The following ADAMTS4 variants were observed in gnomAD, a reference collection of about 807,000 sequenced individuals.
ADAMTS4 encodes A disintegrin and metalloproteinase with thrombospondin motifs 4.
A neutral mutation model predicts 66.7 loss-of-function variants in ADAMTS4; 38 were observed. The observed-to-expected ratio is 0.57, with a 90% CI of 0.44 to 0.75. The LOEUF is 0.75. ADAMTS4 is among the 30% of genes least tolerant of loss of function. The pLI, the probability that ADAMTS4 is intolerant of heterozygous loss-of-function variation, is 0.00. For missense variants in ADAMTS4, 1,014 were observed against 1,116.7 expected (o/e 0.91, Z 1.31); for synonymous variants, 418 against 461.5 (o/e 0.91, Z 1.21).
rs1473585941 is a variant in ADAMTS4 at position 161,194,890 on chromosome 1, C to T, written c.1261+575G>A. ...CACACATCTACACCTGCTTAAAGAA[C>T]AGAATAAGAGGCCAGGCATGGTGGC... is the stretch of plus-strand genomic sequence containing the variant. On this transcript the variant is annotated intron_variant, in intron 4 of 8. Coordinates refer to ENST00000367996, the MANE Select transcript of ADAMTS4 (RefSeq NM_005099.6). This position sits in a 1 kb window ranked among gnomAD's most constrained non-coding sequence, Gnocchi z 4.1. Among the ~76,000 whole-genome samples, 1 of 152,140 alleles carries T rather than the reference C, an allele frequency of 6.6e-6. No homozygotes were observed. Among genetic ancestry groups the T allele is most frequent in the Non-Finnish European group, 1.5e-5 (1 of 68,030 alleles).
At position 161,193,190 on chromosome 1, in the gene ADAMTS4, C is replaced by T. The variant is rs1481733051; in HGVS notation, c.1911+23G>A. The T allele has an allele frequency of 2.5e-6, 4 of 1,603,376 alleles. No individual in the cohort carries two copies. The highest frequency in any genetic ancestry group is 2.6e-6 in the Non-Finnish European group (3 of 1,173,996). On this transcript the variant is annotated intron_variant, in intron 7 of 8. Coordinates refer to ENST00000367996, the MANE Select transcript of ADAMTS4 (RefSeq NM_005099.6). The surrounding 1 kb of genome is among the most constrained non-coding windows in gnomAD (Gnocchi z 4.4). ...CGGGTGTGTGTGACCATAGACAGGG[C>T]CTGGGGGTGTCCTGACCCTCACCCG...
At chr1:161,197,280 GGAAC>G in intron 1 of ADAMTS4, 1 of 179,508 alleles carries the variant, frequency 5.6e-6, no homozygotes, top group South Asian at 1.4e-4. Context: ...TGTGGTTGGA[GGAAC>G]GATTCAGTCA....
At position 161,196,279 on chromosome 1, in the gene ADAMTS4, C is replaced by T. The variant is rs748391228; in HGVS notation, c.982G>A (p.Asp328Asn). 6.8e-6 allele frequency: 11 copies of T among 1,613,016 alleles called. No homozygotes were observed. Among genetic ancestry groups the T allele is most frequent in the Non-Finnish European group, 8.5e-6 (10 of 1,179,494 alleles). Residue 328 changes from aspartate to asparagine, a missense_variant, in exon 3 of 9, where the codon GAC (aspartate) becomes AAC (asparagine). Asp to Asn is a conservative substitution (Grantham distance 23, BLOSUM62 1). Transcript: ENST00000367996. ...RQDLCGVSTCDTLGMADVGTV... is the reference protein window; with the variant it reads ...RQDLCGVSTCNTLGMADVGTV... ...CCCACATCAGCCATACCCAGCGTGT[C>T]GCAAGTGGAGACTCCACACAGGTCC...
intron 1 of ADAMTS4, chr1:161,197,192 T>C (rs1664879600): frequency 9.1e-6 from 3 of 330,222 alleles, no homozygotes; most frequent in Non-Finnish European, 1.7e-5. Context: ...GGAGGGACTT[T>C]GGGGTTCTCC....
rs1664730581 is a variant in ADAMTS4, at chr1:161,193,432, T to A, written c.1736-44A>T. On this transcript the variant is annotated intron_variant, in intron 6 of 8. Coordinates refer to ENST00000367996, the MANE Select transcript of ADAMTS4 (RefSeq NM_005099.6). The surrounding 1 kb of genome is among the most constrained non-coding windows in gnomAD (Gnocchi z 4.4). ...CAGAGCCCCTCCTTCCTTCCTCACA[T>A]CACCCCACATCCCTCCACCCAACCC... The A allele has an allele frequency of 6.3e-7, 1 of 1,592,260 alleles. No homozygotes were observed. Among genetic ancestry groups the A allele is most frequent in the African/African-American group, 1.3e-5 (1 of 74,548 alleles).
At position 161,193,230 on chromosome 1, in the gene ADAMTS4, A is replaced by T. The variant is rs1392836209; in HGVS notation, c.1894T>A (p.Tyr632Asn). The T allele has an allele frequency of 6.2e-7, 1 of 1,613,476 alleles. No homozygotes were observed. The highest frequency in any genetic ancestry group is 8.5e-7 in the Non-Finnish European group (1 of 1,179,818). ...ACCCTCACCCGTGGCTCCAGCACAT[A>T]GTAGTAGCCCAGTGCCTGGGCCTGG... ...TCQAQALGYY[Y>N]VLEPRVVDGT... Residue 632 changes from tyrosine to asparagine, a missense_variant, in exon 7 of 9, where the codon TAT becomes AAT. Coordinates refer to ENST00000367996, the MANE Select transcript of ADAMTS4 (RefSeq NM_005099.6). This position sits in a 1 kb window ranked among gnomAD's most constrained non-coding sequence, Gnocchi z 4.4.
At position 161,187,022 on chromosome 1, in the gene ADAMTS4, T is replaced by C. The variant is rs1275752076; in HGVS notation, c.*4116A>G. The C allele has an allele frequency of 6.6e-6, 1 of 152,044 alleles. No individual in the cohort carries two copies. Among genetic ancestry groups the C allele is most frequent in the African/African-American group, 2.4e-5 (1 of 41,380 alleles). 9.4% of individuals were successfully genotyped at this position (152,044 alleles called of 1,614,324 possible). A position where few individuals can be genotyped will look rare whatever the true frequency, so the allele number is the denominator to read the frequency against. ...TCTCAAAAAAAAAAGTGTATCTCCA[T>C]GAACATTAAAGGAAAGTGAGAAGGG... On this transcript the variant is annotated 3_prime_UTR_variant, in exon 9 of 9. Coordinates refer to ENST00000367996, the MANE Select transcript of ADAMTS4 (RefSeq NM_005099.6).
chr1:161,194,581 G>A lies in ADAMTS4; in HGVS notation c.1262-360C>T, dbSNP rs1329261633. ...TTTTGGAATTTTTTGTAGTGATAAG[G>A]TCTTGCTATGTTGTCCAGGCTAATC... On this transcript the variant is annotated intron_variant, in intron 4 of 8. Coordinates refer to ENST00000367996, the MANE Select transcript of ADAMTS4 (RefSeq NM_005099.6). The surrounding 1 kb of genome is among the most constrained non-coding windows in gnomAD (Gnocchi z 4.1). 6.6e-6 allele frequency among the ~76,000 whole-genome samples: 1 copy of A among 152,002 alleles called. No individual in the cohort carries two copies. Among genetic ancestry groups the A allele is most frequent in the African/African-American group, 2.4e-5 (1 of 41,394 alleles).
rs34009675 is a variant in ADAMTS4, at chr1:161,195,634, A to G, written c.1092T>C (p.Gly364=). 4,771 of 1,610,188 alleles carry G rather than the reference A, an allele frequency of 3.0e-3. 106 individuals are homozygous for G. In the African/African-American group the frequency reaches 0.047, roughly 16 times the overall value. The change falls in exon 4 of 9, where the codon GGT becomes GGC. Residue 364 remains glycine (G), a splice_region_variant and synonymous_variant. Transcript: ENST00000367996. ...QSAFTAAHEL[G]HVFNMLHDNS... is the part of the protein sequence containing the mutation. Reference sequence around the variant, plus strand: ...TGTCATGGAGCATGTTGAAGACATGACCTGTGGGAGCAAAGGCCCTGATAG... The same window carrying G: ...TGTCATGGAGCATGTTGAAGACATGGCCTGTGGGAGCAAAGGCCCTGATAG...
chr1:161,191,105 CG>C lies in ADAMTS4; in HGVS notation c.*32del, dbSNP rs1161228151. On this transcript the variant is annotated 3_prime_UTR_variant, in exon 9 of 9. Transcript: ENST00000367996. The stretch of plus-strand genomic sequence containing the variant: ...TTTCTCCCAGCTAAGTCCGAGGCCC[CG>C]GTGCCCAGAAAGGGCAGCCGGGATA... The C allele has an allele frequency of 2.6e-6, 4 of 1,514,234 alleles. No homozygotes were observed. The highest frequency in any genetic ancestry group is 2.7e-6 in the Non-Finnish European group (3 of 1,132,030). 93.8% of individuals were successfully genotyped at this position (1,514,234 alleles called of 1,614,324 possible).
chr1:161,196,556 C>CCTG lies in ADAMTS4; in HGVS notation c.955_957dup (p.Gln319dup). The CCTG allele has an allele frequency of 6.2e-7, 1 of 1,613,876 alleles. No individual in the cohort carries two copies. Among genetic ancestry groups the CCTG allele is most frequent in the Non-Finnish European group, 8.5e-7 (1 of 1,179,870 alleles). On this transcript the variant is annotated inframe_insertion and splice_region_variant. Transcript: ENST00000367996. The stretch of plus-strand genomic sequence containing the variant: ...GCCTGCGGTGCTGACTGGGGCCTCA[C>CCTG]CTGACGGGTAAACAGAATGGCTGTG...
At chr1:161,192,617 A>T (rs541018023) in intron 7 of ADAMTS4, among the ~76,000 whole-genome samples, 23 of 152,188 alleles carry the variant, frequency 1.5e-4, no homozygotes, top group African/African-American at 4.3e-4. Flanking sequence ...CCAAGATGGG[A>T]AGTGCAGTCT....
rs746614498 is a variant in ADAMTS4, at chr1:161,195,467, T to C, written c.1259A>G (p.Tyr420Cys). 3.1e-6 allele frequency: 5 copies of C among 1,605,978 alleles called. No individual in the cohort carries two copies. The African/African-American group carries it at 5.4e-5, about 17-fold the overall frequency. Residue 420 changes from tyrosine to cysteine, a missense_variant and splice_region_variant, in exon 4 of 9, where the codon TAT (tyrosine) becomes TGT (cysteine). Transcript: ENST00000367996. The part of the protein sequence containing the change: ...RFITDFLDNG[Y>C]GHCLLDKPEA... ...AAAGGTAAGTGCCATCTGCTTACCA[T>C]AGCCATTGTCCAGGAAGTCAGTGAT...
At chr1:161,195,410 C>A in intron 4 of ADAMTS4, 55 bp downstream of exon 4, 1 of 1,535,064 alleles carries the variant, frequency 6.5e-7, no homozygotes, top group South Asian at 1.2e-5. Context: ...GTGAGAGTGC[C>A]CTGGAGGACA....
At chr1:161,196,479 C>G in intron 2 of ADAMTS4, 78 bp downstream of exon 2, 1 of 1,533,412 alleles carries the variant, frequency 6.5e-7, no homozygotes, top group Non-Finnish European at 8.9e-7. Flanking sequence ...CCAGGAACAT[C>G]ATTTGCATCA....
chr1:161,190,864 C>T lies in ADAMTS4; in HGVS notation c.*274G>A, dbSNP rs531583558. The T allele has an allele frequency of 2.6e-6, 1 of 386,772 alleles. No homozygotes were observed. Among genetic ancestry groups the T allele is most frequent in the East Asian group, 3.9e-5 (1 of 25,802 alleles). The allele number at this position is 386,772 out of a possible 1,614,324, so 24.0% of individuals were successfully genotyped here. ...CAACTGGGGCCCAGGCCCTCCCTGCCTTCCCCCTCCCTCCTGTGACCCGCA... is the reference window on the plus strand; with the variant it reads ...CAACTGGGGCCCAGGCCCTCCCTGCTTTCCCCCTCCCTCCTGTGACCCGCA... On this transcript the variant is annotated 3_prime_UTR_variant, in exon 9 of 9. Coordinates refer to ENST00000367996, the MANE Select transcript of ADAMTS4 (RefSeq NM_005099.6).
At chr1:161,197,039 G>T in intron 1 of ADAMTS4, 159 bp from the exon 2 acceptor site, 1 of 671,220 alleles carries the variant, frequency 1.5e-6, no homozygotes, top group Non-Finnish European at 2.5e-6. Flanking sequence ...TCTTGGTTGG[G>T]CCCTTCCCCC....
Position 161,196,539 on chromosome 1 carries a change from T to C in ADAMTS4, c.957+18A>G, listed in dbSNP as rs775182648. 6.2e-7 allele frequency: 1 copy of C among 1,612,662 alleles called. No individual in the cohort carries two copies. Among genetic ancestry groups the C allele is most frequent in the Non-Finnish European group, 8.5e-7 (1 of 1,179,224 alleles). ...GAATTGTGCAGTGCATGGCCTGCGG[T>C]GCTGACTGGGGCCTCACCTGACGGG... On this transcript the variant is annotated intron_variant, in intron 2 of 8. Transcript: ENST00000367996.
Position 161,199,045 on chromosome 1 carries a change from G to A in ADAMTS4, c.-418C>T, listed in dbSNP as rs1665001770. 1 of 167,194 alleles carries A rather than the reference G, an allele frequency of 6.0e-6. No homozygotes were observed. Among genetic ancestry groups the A allele is most frequent in the Admixed American group, 6.3e-5 (1 of 15,946 alleles). The allele number at this position is 167,194 out of a possible 1,614,324, so 10.4% of individuals were successfully genotyped here. ...CATATGTGTCTGTGGGTCTCCCTGT[G>A]GGTTCTCCCCAGCCTCTCTCCGCGC... is the stretch of plus-strand genomic sequence containing the variant. On this transcript the variant is annotated 5_prime_UTR_variant, in exon 1 of 9. Coordinates refer to ENST00000367996, the MANE Select transcript of ADAMTS4 (RefSeq NM_005099.6).
Sources: allele counts gnomAD v4.1 joint callset (sites outside exome capture counted in the v4.1 genomes callset), GRCh38; gene constraint gnomAD v4.1.1; non-coding constraint Gnocchi (gnomAD v3.1); transcripts MANE v1.5; gene names NCBI Gene and HGNC (gene_info 2026-07-23, HGNC 2026-07-21).